The following GLRA1 variants were observed in gnomAD, a reference collection of about 807,000 sequenced individuals.
The protein encoded by GLRA1 is glycine receptor subunit alpha-1.
GLRA1 carries 37 observed loss-of-function variants against 48.3 expected under a neutral mutation model. That is an observed-to-expected ratio of 0.77 (90% CI 0.59 to 1.01). The LOEUF (loss-of-function observed/expected upper bound fraction) is 1.01. GLRA1 is among the 50% of genes least tolerant of loss of function. The pLI is 0.00. For missense variants in GLRA1, 427 were observed against 571.0 expected (o/e 0.75, Z 2.57); for synonymous variants, 196 against 210.7 (o/e 0.93, Z 0.60).
At chr5:151,874,142 T>C (rs1251673583) in intron 3 of GLRA1, among the ~76,000 whole-genome samples, 1 of 152,160 alleles carries the variant, frequency 6.6e-6, no homozygotes, top group East Asian at 1.9e-4. Context: ...TGTGTGGCAC[T>C]AGGTCAGGAC....
At chr5:151,862,769 T>G (rs888179105) in intron 3 of GLRA1, among the ~76,000 whole-genome samples, 2 of 152,206 alleles carry the variant, frequency 1.3e-5, no homozygotes, top group Admixed American at 6.5e-5. Context: ...ATTCTTATAT[T>G]TGTGCATGGT....
rs1328782102 is a variant in GLRA1 at position 151,860,136 on chromosome 5, A to T, written c.253-128T>A. The T allele has an allele frequency of 6.9e-6, 5 of 722,242 alleles. No homozygotes were observed. The South Asian group carries it at 7.5e-5, about 11-fold the overall frequency. The allele number at this position is 722,242 out of a possible 1,614,324, so 44.7% of individuals were successfully genotyped here. ...GTTATTAAGTGTGGTTGCATCTTAT[A>T]TGGGGGTGAGACATAAAAGGTGTGT... On this transcript the variant is annotated intron_variant, in intron 3 of 8. Transcript: ENST00000274576.
intron 1 of GLRA1, among the ~76,000 whole-genome samples, chr5:151,909,113 G>A (rs762751783): frequency 6.6e-6 from 1 of 152,110 alleles, no homozygotes; most frequent in Non-Finnish European, 1.5e-5. Context: ...CTAAATATAT[G>A]TTATTCATAT....
chr5:151,916,816 A>G (rs562987569), intron 1 of GLRA1, among the ~76,000 whole-genome samples: 1 of 152,252 alleles, frequency 6.6e-6, no homozygotes, highest in Non-Finnish European at 1.5e-5. Context: ...CTAGTGTCAC[A>G]TAGAGTTCCC....
rs141444604 is a variant in GLRA1, at chr5:151,893,793, T to C, written c.57-1355A>G. Among the ~76,000 whole-genome samples the C allele has an allele frequency of 8.4e-3, 1,285 of 152,346 alleles. 20 individuals carry two copies. Among genetic ancestry groups the C allele is most frequent in the African/African-American group, 0.029 (1,213 of 41,580 alleles). On this transcript the variant is annotated intron_variant, in intron 1 of 8. Transcript: ENST00000274576. ...ATTTGTGTTGGTTCCAAGTCTTTGC[T>C]ATTGTAAACAGTGCTGCAATAAACA...
intron 3 of GLRA1, among the ~76,000 whole-genome samples, chr5:151,886,336 A>G (rs1753905048): frequency 6.6e-6 from 1 of 152,216 alleles, no homozygotes; most frequent in Admixed American, 6.5e-5. Flanking sequence ...TAGAGGAAAT[A>G]TACAATTAAC....
At chr5:151,886,254 A>G (rs887367460) in intron 3 of GLRA1, among the ~76,000 whole-genome samples, 1 of 152,238 alleles carries the variant, frequency 6.6e-6, no homozygotes, top group South Asian at 2.1e-4. Flanking sequence ...TTTTTTTCCT[A>G]GGCATTTCTT....
At chr5:151,897,802 G>C (rs1754259042) in intron 1 of GLRA1, among the ~76,000 whole-genome samples, 1 of 152,190 alleles carries the variant, frequency 6.6e-6, no homozygotes, top group South Asian at 2.1e-4. Flanking sequence ...TTCTTTGTGA[G>C]TGTCTATGGA....
chr5:151,843,719 A>T (rs1336232456), intron 7 of GLRA1, among the ~76,000 whole-genome samples: 1 of 152,224 alleles, frequency 6.6e-6, no homozygotes, highest in Non-Finnish European at 1.5e-5. Flanking sequence ...TGACAAAAGG[A>T]TCAACACATA....
chr5:151,871,800 G>A (rs1241782132), intron 3 of GLRA1, among the ~76,000 whole-genome samples: 1 of 149,584 alleles, frequency 6.7e-6, no homozygotes, highest in Non-Finnish European at 1.5e-5. Context: ...TCCTGACTTC[G>A]TGATCTGCCT....
chr5:151,834,122 G>A (rs939637567), intron 7 of GLRA1, among the ~76,000 whole-genome samples: 5 of 151,972 alleles, frequency 3.3e-5, no homozygotes, highest in African/African-American at 9.7e-5. Context: ...TGGACCAAGC[G>A]GACCTAATAG....
At chr5:151,908,802 C>T (rs776270146) in intron 1 of GLRA1, among the ~76,000 whole-genome samples, 7 of 152,172 alleles carry the variant, frequency 4.6e-5, no homozygotes, top group Non-Finnish European at 8.8e-5. Flanking sequence ...AAGTTCTTCC[C>T]ATTGTGGCTG....
At chr5:151,905,781 C>G (rs953425706) in intron 1 of GLRA1, among the ~76,000 whole-genome samples, 2 of 152,166 alleles carry the variant, frequency 1.3e-5, no homozygotes, top group Non-Finnish European at 2.9e-5. Context: ...CTGCTTCCAC[C>G]TTTTCCCTTT....
At chr5:151,856,013 A>G (rs966381783) in intron 5 of GLRA1, among the ~76,000 whole-genome samples, 3 of 152,236 alleles carry the variant, frequency 2.0e-5, no homozygotes, top group Admixed American at 2.0e-4. Flanking sequence ...TTCAAGGACC[A>G]TGACTTATTC....
chr5:151,850,336 G>T, intron 7 of GLRA1: 1 of 1,523,996 alleles, frequency 6.6e-7, no homozygotes, highest in Non-Finnish European at 9.1e-7. Flanking sequence ...TTCTGGGTGG[G>T]CTGTTTCATT....
In GLRA1 at chr5:151,924,577, A is replaced by C. The variant is rs1371384984; in HGVS notation, c.-28T>G. On this transcript the variant is annotated 5_prime_UTR_variant, in exon 1 of 9. Transcript: ENST00000274576. ...TTCAGGTCCTTGTGCTTTGTAGTCC[A>C]CGAGTTATGGGGGCAAAAATGTTTC... 1 of 1,465,656 alleles carries C rather than the reference A, an allele frequency of 6.8e-7. No homozygotes were observed. Among genetic ancestry groups the C allele is most frequent in the African/African-American group, 1.4e-5 (1 of 72,042 alleles). The allele number at this position is 1,465,656 out of a possible 1,614,324, so 90.8% of individuals were successfully genotyped here.
rs534990454 is a variant in GLRA1 at position 151,884,384 on chromosome 5, G to A, written c.252+2337C>T. Among the ~76,000 whole-genome samples the A allele has an allele frequency of 2.6e-4, 39 of 149,852 alleles. No individual in the cohort carries two copies. In the South Asian group the frequency reaches 7.1e-3, roughly 27 times the overall value. ...GCAGAGTTTGCAGTGAGCCGAGATC[G>A]TGCCACTGCACTCCAGCCTGGGCAA... On this transcript the variant is annotated intron_variant, in intron 3 of 8. Coordinates refer to ENST00000274576, the MANE Select transcript of GLRA1 (RefSeq NM_000171.4).
intron 3 of GLRA1, among the ~76,000 whole-genome samples, chr5:151,883,034 A>T (rs1221520321): frequency 6.6e-6 from 1 of 152,192 alleles, no homozygotes; most frequent in African/African-American, 2.4e-5. Flanking sequence ...AGTAAGATAT[A>T]TTATGAGATA....
rs191587833 is a variant in GLRA1, at chr5:151,849,452, T to C, written c.912+1938A>G. On this transcript the variant is annotated intron_variant, in intron 7 of 8. Coordinates refer to ENST00000274576, the MANE Select transcript of GLRA1 (RefSeq NM_000171.4). Reference sequence around the variant, plus strand: ...TTTCCTTTCCTTTCCTTTCCTTTCCTTTCCTTCCTTCCTTCCTTCCTTCCT... The same window carrying C: ...TTTCCTTTCCTTTCCTTTCCTTTCCCTTCCTTCCTTCCTTCCTTCCTTCCT... 6.4e-4 allele frequency among the ~76,000 whole-genome samples: 10 copies of C among 15,662 alleles called. 1 individual carries two copies. The South Asian group carries it at 0.011, about 17-fold the overall frequency. The allele number at this position is 15,662 out of a possible 152,430, so 10.3% of individuals were successfully genotyped here.
Sources: allele counts gnomAD v4.1 joint callset (sites outside exome capture counted in the v4.1 genomes callset), GRCh38; gene constraint gnomAD v4.1.1; transcripts MANE v1.5; gene names NCBI Gene and HGNC (gene_info 2026-07-23, HGNC 2026-07-21).